The following FBXL17 variants were observed in gnomAD, a reference collection of about 807,000 sequenced individuals.
FBXL17 encodes F-box/LRR-repeat protein 17.
Under a neutral mutation model 66.2 loss-of-function variants are expected in FBXL17, and 22 were observed. The observed-to-expected ratio is 0.33, with a 90% CI of 0.24 to 0.47. The LOEUF is 0.47. Among genes scored for constraint, FBXL17 ranks in the 20% least tolerant of loss-of-function variants. The pLI is 1.00. For synonymous variants in FBXL17, 474 were observed against 400.5 expected (o/e 1.18, Z -2.19); for missense variants, 878 against 948.2 (o/e 0.93, Z 0.97).
chr5:107,896,230 T>C (rs1356722592), intron 7 of FBXL17, among the ~76,000 whole-genome samples: 1 of 152,088 alleles, frequency 6.6e-6, no homozygotes, highest in Admixed American at 6.6e-5. Context: ...AGAGAGTCAA[T>C]AACGTTGAGA....
intron 7 of FBXL17, among the ~76,000 whole-genome samples, chr5:107,950,040 C>T (rs1043657300): frequency 6.6e-6 from 1 of 152,062 alleles, no homozygotes; most frequent in African/African-American, 2.4e-5. Context: ...TTTCCTGTTA[C>T]TAAGATTTGT....
At chr5:108,338,902 T>C (rs571869010) in intron 4 of FBXL17, among the ~76,000 whole-genome samples, 17 of 152,256 alleles carry the variant, frequency 1.1e-4, no homozygotes, top group African/African-American at 3.9e-4. Flanking sequence ...TCTGCAGCAC[T>C]AATAGGAACA....
intron 6 of FBXL17, among the ~76,000 whole-genome samples, chr5:108,084,536 T>C (rs1242790067): frequency 6.6e-6 from 1 of 152,164 alleles, no homozygotes; most frequent in Admixed American, 6.5e-5. Flanking sequence ...TCATGAAAAC[T>C]GGTTAAGGGA....
intron 4 of FBXL17, among the ~76,000 whole-genome samples, chr5:108,246,375 G>A (rs890169838): frequency 1.3e-5 from 2 of 152,018 alleles, no homozygotes; most frequent in Non-Finnish European, 2.9e-5. Flanking sequence ...AAGCAAGCTG[G>A]GCACGGTTGT....
At chr5:107,980,645 A>AATATATATATATATATATATATAT (rs61438456) in intron 7 of FBXL17, among the ~76,000 whole-genome samples, 31 of 79,098 alleles carry the variant, frequency 3.9e-4, no homozygotes, top group South Asian at 1.4e-3. Flanking sequence ...CCAATAAAAT[A>AATATATATATATATATATATATAT]ATATATATAT....
chr5:108,335,709 T>C (rs531577532), intron 4 of FBXL17, among the ~76,000 whole-genome samples: 11 of 152,296 alleles, frequency 7.2e-5, no homozygotes, highest in South Asian at 4.1e-4. Context: ...ATTATTATAC[T>C]GATCAGCAAT....
At position 108,357,966 on chromosome 5, in the gene FBXL17, C is replaced by A. The variant is rs147528930; in HGVS notation, c.1374+6772G>T. On this transcript the variant is annotated intron_variant, in intron 3 of 8. Transcript: ENST00000542267. ...TTTTGGATGCTGTTGTAAATGAAAT[C>A]GTTTGGATTCTATTTCTTTTGGGGT... Among the ~76,000 whole-genome samples the A allele has an allele frequency of 4.0e-3, 607 of 152,054 alleles. 8 individuals carry two copies. Among genetic ancestry groups the A allele is most frequent in the African/African-American group, 0.014 (571 of 41,520 alleles).
chr5:108,050,545 G>A (rs562098808), intron 6 of FBXL17, among the ~76,000 whole-genome samples: 2 of 152,148 alleles, frequency 1.3e-5, no homozygotes, highest in African/African-American at 4.8e-5. Flanking sequence ...TGGGGCCACA[G>A]CTAAAGCAGT....
intron 7 of FBXL17, among the ~76,000 whole-genome samples, chr5:108,012,693 A>G (rs1425149196): frequency 6.6e-6 from 1 of 152,202 alleles, no homozygotes; most frequent in Admixed American, 6.5e-5. Context: ...TCCAGGTCTC[A>G]GTTTCCATGT....
At chr5:108,092,531 AT>A (rs1749225248) in intron 6 of FBXL17, among the ~76,000 whole-genome samples, 1 of 152,026 alleles carries the variant, frequency 6.6e-6, no homozygotes, top group African/African-American at 2.4e-5. Context: ...GTCCAGGCTG[AT>A]CTTAAACTCC....
chr5:107,925,165 T>G (rs543627427), intron 7 of FBXL17, among the ~76,000 whole-genome samples: 1 of 152,210 alleles, frequency 6.6e-6, no homozygotes, highest in Non-Finnish European at 1.5e-5. Flanking sequence ...TGTTCCTCAG[T>G]GCCAAACAAT....
At chr5:107,965,136 G>A (rs781113273) in intron 7 of FBXL17, among the ~76,000 whole-genome samples, 1 of 152,092 alleles carries the variant, frequency 6.6e-6, no homozygotes, top group Non-Finnish European at 1.5e-5. Context: ...ACATACTAAA[G>A]TCAGCTGAAA....
At chr5:108,043,446 T>C (rs544751005) in intron 6 of FBXL17, among the ~76,000 whole-genome samples, 1 of 152,314 alleles carries the variant, frequency 6.6e-6, no homozygotes, top group Admixed American at 6.5e-5. Flanking sequence ...TTTTTGCCTA[T>C]GATGTCCAAT....
chr5:108,220,430 C>A (rs1754810255), intron 5 of FBXL17, among the ~76,000 whole-genome samples: 1 of 152,158 alleles, frequency 6.6e-6, no homozygotes, highest in South Asian at 2.1e-4. Flanking sequence ...TTTCCCGTAT[C>A]ATAGGGATCA....
chr5:108,216,482 C>T (rs1454747357), intron 5 of FBXL17, among the ~76,000 whole-genome samples: 1 of 151,920 alleles, frequency 6.6e-6, no homozygotes, highest in Non-Finnish European at 1.5e-5. Context: ...TTATTCATTG[C>T]CAGCATATAA....
intron 6 of FBXL17, among the ~76,000 whole-genome samples, chr5:108,149,040 G>C (rs1463224291): frequency 6.6e-6 from 1 of 152,216 alleles, no homozygotes; most frequent in East Asian, 1.9e-4. Context: ...AAGTTATTTT[G>C]TCAAGGTTAC....
chr5:108,085,653 G>T (rs1160878833), intron 6 of FBXL17, among the ~76,000 whole-genome samples: 1 of 152,174 alleles, frequency 6.6e-6, no homozygotes, highest in Non-Finnish European at 1.5e-5. Context: ...AGAACACTGG[G>T]GCTAGGTGTG....
At chr5:108,200,319 G>C (rs1404160235) in intron 5 of FBXL17, among the ~76,000 whole-genome samples, 1 of 152,062 alleles carries the variant, frequency 6.6e-6, no homozygotes, top group Non-Finnish European at 1.5e-5. Context: ...AGGTTCTGAG[G>C]GGAAGGAGGC....
intron 5 of FBXL17, among the ~76,000 whole-genome samples, chr5:108,215,162 G>T (rs1754546138): frequency 6.6e-6 from 1 of 152,134 alleles, no homozygotes; most frequent in Non-Finnish European, 1.5e-5. Flanking sequence ...GTATGTTGCT[G>T]CTATGGGCAT....
Sources: gnomAD v4.1 joint callset for allele counts (sites outside exome capture counted in the v4.1 genomes callset) on GRCh38, gnomAD v4.1.1 for gene constraint, MANE v1.5 for transcripts, NCBI Gene and HGNC (gene_info 2026-07-23, HGNC 2026-07-21) for gene names.